Variants in ZNF644 observed in about 807,000 individuals in gnomAD.
ZNF644 encodes zinc finger motif enhancer binding protein 2.
Under a neutral mutation model 108.0 loss-of-function variants are expected in ZNF644, and 20 were observed. The observed-to-expected ratio is 0.19, with a 90% CI of 0.13 to 0.27. ZNF644 has a LOEUF of 0.27. ZNF644 is among the 10% of genes least tolerant of loss of function. ZNF644 has a pLI of 1.00. For synonymous variants in ZNF644, 542 were observed against 539.1 expected, an observed-to-expected ratio of 1.01 and a Z score of -0.08; for missense variants, 1,338 against 1,548.9, an observed-to-expected ratio of 0.86 and a Z score of 2.29.
At chr1:91,010,714 A>G (rs912849511) in intron 1 of ZNF644, among the ~76,000 whole-genome samples, 2 of 151,834 alleles carry the variant, frequency 1.3e-5, no homozygotes, top group African/African-American at 4.8e-5. Flanking sequence ...TCTTCAAGCT[A>G]TATCTTAGAT....
At chr1:90,993,051 AT>A (rs979207075) in intron 1 of ZNF644, among the ~76,000 whole-genome samples, 6 of 152,160 alleles carry the variant, frequency 3.9e-5, no homozygotes, top group African/African-American at 1.2e-4. Flanking sequence ...CTCTTAAAAA[AT>A]AAAAAGAAAA....
At position 90,937,842 on chromosome 1, in the gene ZNF644, G is replaced by A; in HGVS notation, c.3331C>T (p.Leu1111Phe). 6.2e-7 allele frequency: 1 copy of A among 1,613,846 alleles called. No individual in the cohort carries two copies. Among genetic ancestry groups the A allele is most frequent in the Non-Finnish European group, 8.5e-7 (1 of 1,179,866 alleles). ...GATATAAAGTCATCACTTGATGCAA[G>A]TTTTTGAGCTACAAATGGTCTGGGA... ...IIPRPFVAQK[L>F]ASSDDFISQN... The change falls in exon 4 of 6, where the codon CTT becomes TTT. Residue 1111 changes from leucine to phenylalanine, a missense_variant. Coordinates refer to ENST00000337393, the MANE Select transcript of ZNF644 (RefSeq NM_201269.3).
In ZNF644 at chr1:90,988,874, C is replaced by T. The variant is rs79440436; in HGVS notation, c.-17-6504G>A. Among the ~76,000 whole-genome samples, 20 of 152,174 alleles carry T rather than the reference C, an allele frequency of 1.3e-4. No homozygotes were observed. In the East Asian group the frequency reaches 3.9e-3, roughly 29 times the overall value. On this transcript the variant is annotated intron_variant, in intron 1 of 5. Coordinates refer to ENST00000337393, the MANE Select transcript of ZNF644 (RefSeq NM_201269.3). The stretch of plus-strand genomic sequence containing the variant: ...GTCGGACCCTTACTTACACCACATA[C>T]AAAAATTAATTCAAAATGGATAAAG...
chr1:91,011,991 A>G (rs1659996808), intron 1 of ZNF644, among the ~76,000 whole-genome samples: 1 of 152,180 alleles, frequency 6.6e-6, no homozygotes, highest in South Asian at 2.1e-4. Flanking sequence ...CAACTATGTT[A>G]TCGGTGGAGG....
intron 2 of ZNF644, among the ~76,000 whole-genome samples, chr1:90,961,756 G>C (rs1462833984): frequency 6.6e-6 from 1 of 152,040 alleles, no homozygotes; most frequent in Non-Finnish European, 1.5e-5. Context: ...TTTAAAATTT[G>C]TTTAATTTCA....
intron 2 of ZNF644, among the ~76,000 whole-genome samples, chr1:90,973,476 T>C (rs918704171): frequency 4.6e-5 from 7 of 152,170 alleles, no homozygotes; most frequent in African/African-American, 1.7e-4. Flanking sequence ...AGTTTTGTTA[T>C]CTGTAAAATG....
At chr1:90,986,860 C>T (rs936915987) in intron 1 of ZNF644, among the ~76,000 whole-genome samples, 7 of 151,522 alleles carry the variant, frequency 4.6e-5, no homozygotes. Flanking sequence ...AAACTAAACA[C>T]CAATAACAGA....
At position 90,938,802 on chromosome 1, in the gene ZNF644, T is replaced by A. The variant is rs1021580444; in HGVS notation, c.2552A>T (p.Asp851Val). 6.2e-7 allele frequency: 1 copy of A among 1,613,862 alleles called. No homozygotes were observed. Among genetic ancestry groups the A allele is most frequent in the Admixed American group, 1.7e-5 (1 of 59,998 alleles). Residue 851 changes from aspartate (D) to valine (V), a missense_variant, in exon 3 of 6, where the codon GAT (aspartate) becomes GTT (valine). Physicochemically the swap from Asp to Val is radical, Grantham distance 152 (BLOSUM62 -3). Coordinates refer to ENST00000337393, the MANE Select transcript of ZNF644 (RefSeq NM_201269.3). This position sits in a 1 kb window ranked among gnomAD's most constrained non-coding sequence, Gnocchi z 4.2. ...LQKLNSAEKK[D>V]SYETEDESSW... Reference sequence around the variant, plus strand: ...ACTTTCATCTTCTGTTTCATAACTATCTTTCTTTTCAGCAGAATTAAGTTT... The same window carrying A: ...ACTTTCATCTTCTGTTTCATAACTAACTTTCTTTTCAGCAGAATTAAGTTT...
intron 2 of ZNF644, among the ~76,000 whole-genome samples, chr1:90,942,538 C>T (rs1394228250): frequency 6.6e-6 from 1 of 152,028 alleles, no homozygotes; most frequent in African/African-American, 2.4e-5. Flanking sequence ...GCCATAGGTG[C>T]TCAGGCAATA....
chr1:90,916,795 G>A lies in ZNF644; in HGVS notation c.*3C>T. ...AACTGGCTATTTAAAAGGTTTCCTG[G>A]TTCTATGAAGCTGCTTCGGCCATTA... On this transcript the variant is annotated 3_prime_UTR_variant, in exon 6 of 6. Transcript: ENST00000337393. 2 of 1,613,998 alleles carry A rather than the reference G, an allele frequency of 1.2e-6. No individual in the cohort carries two copies.
chr1:90,984,125 T>G (rs1433700500), intron 1 of ZNF644, among the ~76,000 whole-genome samples: 6 of 152,154 alleles, frequency 3.9e-5, no homozygotes, highest in Non-Finnish European at 1.5e-5. Flanking sequence ...CCAATAATAC[T>G]GATTTTGAAC....
chr1:90,969,113 A>G (rs1474671316), intron 2 of ZNF644, among the ~76,000 whole-genome samples: 1 of 152,208 alleles, frequency 6.6e-6, no homozygotes, highest in East Asian at 1.9e-4. Context: ...TGTTCCCCCC[A>G]AAATTCATAT....
intron 2 of ZNF644, among the ~76,000 whole-genome samples, chr1:90,963,252 G>A (rs1485767276): frequency 1.3e-5 from 2 of 152,044 alleles, no homozygotes; most frequent in Non-Finnish European, 2.9e-5. Context: ...CAAACAACCA[G>A]TACATTTATG....
intron 1 of ZNF644, among the ~76,000 whole-genome samples, chr1:90,998,528 C>T (rs1055013716): frequency 1.1e-4 from 16 of 152,300 alleles, no homozygotes; most frequent in South Asian, 2.1e-4. Flanking sequence ...AGGACATCCA[C>T]GCCAAAACCC....
At chr1:90,937,372 G>C in intron 4 of ZNF644, 113 bp downstream of exon 4, 1 of 1,380,370 alleles carries the variant, frequency 7.2e-7, no homozygotes, top group South Asian at 1.3e-5. Flanking sequence ...AAAAAAAAAA[G>C]CAGCTTAAAC....
At chr1:91,002,598 C>T (rs1658965320) in intron 1 of ZNF644, among the ~76,000 whole-genome samples, 1 of 152,144 alleles carries the variant, frequency 6.6e-6, no homozygotes, top group South Asian at 2.1e-4. Context: ...CTAGGCAATA[C>T]CATTCAGGAC....
At chr1:90,953,158 A>C (rs1485865211) in intron 2 of ZNF644, among the ~76,000 whole-genome samples, 1 of 152,154 alleles carries the variant, frequency 6.6e-6, no homozygotes, top group East Asian at 1.9e-4. Flanking sequence ...TGTGCAACAC[A>C]AACTACCAAA....
chr1:90,963,389 T>C (rs950903520), intron 2 of ZNF644, among the ~76,000 whole-genome samples: 4 of 152,156 alleles, frequency 2.6e-5, no homozygotes, highest in Admixed American at 2.6e-4. Context: ...CTTGATGTGA[T>C]TGATACAACC....
intron 1 of ZNF644, among the ~76,000 whole-genome samples, chr1:90,984,347 T>C (rs1190986960): frequency 1.3e-5 from 2 of 152,012 alleles, no homozygotes; most frequent in Non-Finnish European, 2.9e-5. Context: ...GTGGCTTACA[T>C]AACAGAAATT....
Sources: gnomAD v4.1 joint callset for allele counts (sites outside exome capture counted in the v4.1 genomes callset) on GRCh38, gnomAD v4.1.1 for gene constraint, Gnocchi (gnomAD v3.1) non-coding constraint, MANE v1.5 for transcripts, NCBI Gene and HGNC (gene_info 2026-07-23, HGNC 2026-07-21) for gene names.